Variants in PRKCE observed in about 807,000 individuals in gnomAD.
The protein encoded by PRKCE is protein kinase C epsilon type.
Under a neutral mutation model 85.4 loss-of-function variants are expected in PRKCE, and 16 were observed. The ratio of observed to expected loss-of-function variants is 0.19; its 90% confidence interval spans 0.13 to 0.28. The LOEUF (loss-of-function observed/expected upper bound fraction) is 0.28, where lower values mean the gene tolerates loss of function less well. Among genes scored for constraint, PRKCE ranks in the 10% least tolerant of loss-of-function variants. The pLI is 1.00. For missense variants in PRKCE, 573 were observed against 975.2 expected (o/e 0.59, Z 5.49); for synonymous variants, 388 against 371.5 (o/e 1.04, Z -0.51).
At chr2:45,703,020 T>G (rs1044994346) in intron 1 of PRKCE, among the ~76,000 whole-genome samples, 16 of 120,920 alleles carry the variant, frequency 1.3e-4, no homozygotes, top group Admixed American at 2.4e-4. Context: ...AAAGCCTTTT[T>G]TCCCCCCCCG....
chr2:45,789,780 A>T (rs957399020), intron 1 of PRKCE, among the ~76,000 whole-genome samples: 6 of 152,186 alleles, frequency 3.9e-5, no homozygotes, highest in African/African-American at 1.4e-4. Flanking sequence ...CAACTTTAAG[A>T]TATTTTGCCT....
At chr2:46,040,799 T>C (rs1708173053) in intron 10 of PRKCE, among the ~76,000 whole-genome samples, 1 of 152,210 alleles carries the variant, frequency 6.6e-6, no homozygotes, top group Non-Finnish European at 1.5e-5. Context: ...TGCTAAAGAC[T>C]TACTAAGATT....
At chr2:46,169,957 A>G (rs752789461) in intron 14 of PRKCE, among the ~76,000 whole-genome samples, 29 of 152,114 alleles carry the variant, frequency 1.9e-4, no homozygotes, top group African/African-American at 6.8e-4. Context: ...AATTCACTCA[A>G]TCTCTCTGCT....
intron 2 of PRKCE, among the ~76,000 whole-genome samples, chr2:45,909,894 G>C (rs560701252): frequency 1.3e-5 from 2 of 152,310 alleles, no homozygotes; most frequent in African/African-American, 4.8e-5. Context: ...CCTTATTTAG[G>C]CTCTAGTTCC....
intron 1 of PRKCE, among the ~76,000 whole-genome samples, chr2:45,821,799 G>C (rs905310263): frequency 1.2e-4 from 19 of 152,220 alleles, no homozygotes; most frequent in Non-Finnish European, 1.2e-4. Flanking sequence ...TGGGCAAGAA[G>C]TGTCCCGATG....
intron 1 of PRKCE, among the ~76,000 whole-genome samples, chr2:45,820,184 A>G (rs759144938): frequency 1.6e-4 from 25 of 152,200 alleles, no homozygotes; most frequent in African/African-American, 5.8e-4. Flanking sequence ...CATTCAACCA[A>G]CAAGAGTTTA....
chr2:46,039,403 G>A (rs879288236), intron 10 of PRKCE, among the ~76,000 whole-genome samples: 1 of 152,042 alleles, frequency 6.6e-6, no homozygotes, highest in Non-Finnish European at 1.5e-5. Context: ...GACCCATTGG[G>A]GTTTCAGATC....
At chr2:46,127,291 G>A (rs1673956505) in intron 11 of PRKCE, among the ~76,000 whole-genome samples, 1 of 152,168 alleles carries the variant, frequency 6.6e-6, no homozygotes, top group African/African-American at 2.4e-5. Context: ...GAGTGCTCCA[G>A]GTTTTAGTAA....
At chr2:46,100,791 G>C (rs937383862) in intron 11 of PRKCE, among the ~76,000 whole-genome samples, 2 of 152,206 alleles carry the variant, frequency 1.3e-5, no homozygotes. Flanking sequence ...AAGATGCCAT[G>C]ACAAGGAAGA....
Position 45,884,988 on chromosome 2 carries a change from TATA to T in PRKCE, c.412+41926_412+41928del, listed in dbSNP as rs1301117276. Among the ~76,000 whole-genome samples, 38 of 68,594 alleles carry T rather than the reference TATA, an allele frequency of 5.5e-4. 4 individuals carry two copies. In the South Asian group the frequency reaches 0.012, roughly 23 times the overall value. The allele number at this position is 68,594 out of a possible 152,430, so 45.0% of individuals were successfully genotyped here. A position where few individuals can be genotyped will look rare whatever the true frequency, so the allele number is the denominator to read the frequency against. The stretch of plus-strand genomic sequence containing the variant: ...ATATATATATATATATATATATATA[TATA>T]TATATATATATTTGTTGTTGTTGTT... On this transcript the variant is annotated intron_variant, in intron 2 of 14. Transcript: ENST00000306156.
chr2:45,902,023 G>A (rs1696616432), intron 2 of PRKCE, among the ~76,000 whole-genome samples: 1 of 152,204 alleles, frequency 6.6e-6, no homozygotes, highest in Non-Finnish European at 1.5e-5. Flanking sequence ...TTTCTAGGTT[G>A]TAGATCCCAC....
At chr2:46,086,147 C>A in intron 10 of PRKCE, 61 bp from the exon 11 acceptor site, 2 of 1,550,920 alleles carry the variant, frequency 1.3e-6, no homozygotes, top group South Asian at 2.3e-5. Context: ...TCACACTAAG[C>A]TGGCCTGTGT....
intron 5 of PRKCE, among the ~76,000 whole-genome samples, chr2:45,982,393 G>T (rs1276229509): frequency 2.0e-5 from 3 of 152,186 alleles, no homozygotes; most frequent in African/African-American, 2.4e-5. Flanking sequence ...ATTAAAAGGT[G>T]CTCTGGTGAT....
chr2:45,976,641 C>G, intron 3 of PRKCE, 53 bp downstream of exon 3: 1 of 1,573,608 alleles, frequency 6.4e-7, no homozygotes, highest in Non-Finnish European at 8.6e-7. Context: ...TACAAGATGT[C>G]GGGGATGGGG....
At chr2:45,958,332 ACT>A (rs1323534445) in intron 2 of PRKCE, among the ~76,000 whole-genome samples, 2 of 151,480 alleles carry the variant, frequency 1.3e-5, no homozygotes, top group Non-Finnish European at 2.9e-5. Flanking sequence ...ACATGGTGAA[ACT>A]CTGTCTCTAC....
intron 2 of PRKCE, among the ~76,000 whole-genome samples, chr2:45,862,210 AC>A: frequency 6.6e-6 from 1 of 151,946 alleles, no homozygotes; most frequent in Non-Finnish European, 1.5e-5. Flanking sequence ...ACACACACAC[AC>A]ACACACACAC....
chr2:45,778,872 G>A (rs1051525749), intron 1 of PRKCE, among the ~76,000 whole-genome samples: 1 of 152,166 alleles, frequency 6.6e-6, no homozygotes, highest in Non-Finnish European at 1.5e-5. Context: ...TTAAACTAAT[G>A]GGCAGTTCTG....
chr2:45,772,784 GGGGAA>G (rs1685445009), intron 1 of PRKCE, among the ~76,000 whole-genome samples: 1 of 152,128 alleles, frequency 6.6e-6, no homozygotes, highest in Non-Finnish European at 1.5e-5. Flanking sequence ...AGTGTATCTC[GGGGAA>G]GAGGAGCAGG....
chr2:45,890,908 A>G (rs1433360417), intron 2 of PRKCE, among the ~76,000 whole-genome samples: 1 of 152,236 alleles, frequency 6.6e-6, no homozygotes, highest in Non-Finnish European at 1.5e-5. Context: ...CTGTCCTGAC[A>G]GCACGCATGG....
Sources: gnomAD v4.1 joint callset for allele counts (sites outside exome capture counted in the v4.1 genomes callset) on GRCh38, gnomAD v4.1.1 for gene constraint, MANE v1.5 for transcripts, NCBI Gene and HGNC (gene_info 2026-07-23, HGNC 2026-07-21) for gene names.